The following AFG1L variants were observed in gnomAD, a reference collection of about 807,000 sequenced individuals.
AFG1L encodes AFG1 like ATPase.
AFG1L carries 53 observed loss-of-function variants against 62.2 expected under a neutral mutation model. The ratio of observed to expected loss-of-function variants is 0.85; its 90% CI spans 0.68 to 1.07. The LOEUF (loss-of-function observed/expected upper bound fraction) is 1.07, where lower values mean the gene tolerates loss of function less well. AFG1L is among the 50% of genes least tolerant of loss of function. AFG1L has a pLI of 0.00. For synonymous variants in AFG1L, 228 were observed against 210.3 expected (o/e 1.08, Z -0.73); for missense variants, 555 against 590.5 (o/e 0.94, Z 0.62).
intron 7 of AFG1L, among the ~76,000 whole-genome samples, chr6:108,416,441 T>G (rs1770280696): frequency 6.6e-6 from 1 of 152,234 alleles, no homozygotes; most frequent in Non-Finnish European, 1.5e-5. Context: ...CCCAAAGGAT[T>G]ATAAATCATG....
chr6:108,478,288 T>A (rs2114818763), intron 10 of AFG1L, among the ~76,000 whole-genome samples: 1 of 152,114 alleles, frequency 6.6e-6, no homozygotes, highest in Non-Finnish European at 1.5e-5. Flanking sequence ...ATAGAAAAAA[T>A]TAGCCGGGCG....
chr6:108,333,274 G>A (rs1778348293), intron 2 of AFG1L, among the ~76,000 whole-genome samples: 1 of 152,144 alleles, frequency 6.6e-6, no homozygotes, highest in African/African-American at 2.4e-5. Flanking sequence ...GCCAGGTGTG[G>A]TGGCGGGCGC....
At chr6:108,466,299 C>T (rs1453532032) in intron 8 of AFG1L, among the ~76,000 whole-genome samples, 1 of 151,990 alleles carries the variant, frequency 6.6e-6, no homozygotes, top group Non-Finnish European at 1.5e-5. Context: ...AGCCATATGC[C>T]CAACAGATAT....
chr6:108,435,736 C>T (rs1771280083), intron 7 of AFG1L, among the ~76,000 whole-genome samples: 1 of 152,124 alleles, frequency 6.6e-6, no homozygotes, highest in Non-Finnish European at 1.5e-5. Flanking sequence ...CAAAATCCTG[C>T]CGTTTTCTCA....
chr6:108,323,862 T>G lies in AFG1L; in HGVS notation c.177T>G (p.Thr59=), dbSNP rs569435290. The change falls in exon 2 of 13, where the codon ACT becomes ACG. Residue 59 remains threonine (T), a synonymous_variant. Transcript: ENST00000368977. ...AGACATCCGAGAGCATGACCCCAAC[T>G]GCCACTTCAGAGACTTATTTGAAAG... ...TVQTSESMTP[T]ATSETYLKAL... is the part of the protein sequence containing the mutation. 6.2e-7 allele frequency: 1 copy of G among 1,614,184 alleles called. No homozygotes were observed. Among genetic ancestry groups the G allele is most frequent in the South Asian group, 1.1e-5 (1 of 91,076 alleles).
intron 6 of AFG1L, among the ~76,000 whole-genome samples, chr6:108,391,890 C>T (rs1280541015): frequency 1.3e-5 from 2 of 152,182 alleles, no homozygotes; most frequent in Non-Finnish European, 1.5e-5. Flanking sequence ...CAAGGCTCAA[C>T]ATTGTAGGTA....
chr6:108,379,367 C>A (rs892085514), intron 6 of AFG1L, among the ~76,000 whole-genome samples: 2 of 152,144 alleles, frequency 1.3e-5, no homozygotes, highest in Admixed American at 1.3e-4. Flanking sequence ...GTCTTACAAG[C>A]CTGTAGATGG....
Position 108,350,974 on chromosome 6 carries a change from G to A in AFG1L, c.415+3935G>A, listed in dbSNP as rs78345213. 1.0e-3 allele frequency among the ~76,000 whole-genome samples: 156 copies of A among 152,302 alleles called. 3 individuals are homozygous for A. In the East Asian group the frequency reaches 0.028, roughly 27 times the overall value. On this transcript the variant is annotated intron_variant, in intron 3 of 12. Transcript: ENST00000368977. ...TATTCCTCCTGTGCTACAAACCTGTGCAGCATGTTACTGTATTGAATACTG... is the reference window on the plus strand; with the variant it reads ...TATTCCTCCTGTGCTACAAACCTGTACAGCATGTTACTGTATTGAATACTG...
intron 7 of AFG1L, among the ~76,000 whole-genome samples, chr6:108,409,498 C>T (rs188246222): frequency 2.0e-3 from 300 of 151,938 alleles, no homozygotes; most frequent in Admixed American, 3.0e-3. Context: ...AGTAAAAGCA[C>T]GTGATAGATA....
chr6:108,359,710 T>C (rs1282859240), intron 5 of AFG1L: 8 of 152,214 alleles, frequency 5.3e-5, no homozygotes, highest in Non-Finnish European at 1.0e-4. Context: ...ACCCTCTCTA[T>C]TGAATTTCAA....
intron 7 of AFG1L, among the ~76,000 whole-genome samples, chr6:108,410,977 C>G (rs907107656): frequency 1.5e-4 from 23 of 152,118 alleles, no homozygotes; most frequent in Non-Finnish European, 1.0e-4. Context: ...TTGCCTCACC[C>G]AGGAAGTGCA....
chr6:108,484,661 T>G (rs2114833888), intron 10 of AFG1L, among the ~76,000 whole-genome samples: 1 of 152,328 alleles, frequency 6.6e-6, no homozygotes, highest in East Asian at 1.9e-4. Flanking sequence ...CATACACACC[T>G]AGACCTAGCC....
chr6:108,305,431 G>T (rs1426982740), intron 1 of AFG1L, among the ~76,000 whole-genome samples: 3 of 152,122 alleles, frequency 2.0e-5, no homozygotes, highest in Non-Finnish European at 4.4e-5. Context: ...TATTACTCAG[G>T]CTGGAGTGCA....
intron 6 of AFG1L, among the ~76,000 whole-genome samples, chr6:108,373,441 A>G (rs766846445): frequency 1.3e-5 from 2 of 152,076 alleles, no homozygotes; most frequent in African/African-American, 2.4e-5. Context: ...GTCGTCATTA[A>G]TGGGTACCTG....
At chr6:108,416,367 G>A (rs549304714) in intron 7 of AFG1L, among the ~76,000 whole-genome samples, 3 of 152,266 alleles carry the variant, frequency 2.0e-5, no homozygotes, top group East Asian at 1.9e-4. Context: ...ACAGTGTGGC[G>A]ATTCCTCAAG....
At chr6:108,334,999 C>G (rs968208461) in intron 2 of AFG1L, among the ~76,000 whole-genome samples, 1 of 145,896 alleles carries the variant, frequency 6.9e-6, no homozygotes. Context: ...TTCTTTCTTT[C>G]TTTTTTTTTT....
At chr6:108,486,938 C>T (rs148487551) in intron 10 of AFG1L, among the ~76,000 whole-genome samples, 3 of 152,290 alleles carry the variant, frequency 2.0e-5, no homozygotes, top group Non-Finnish European at 4.4e-5. Flanking sequence ...CTCCTGACCT[C>T]AAGTGATCCA....
At chr6:108,404,748 G>A (rs2114640373) in intron 7 of AFG1L, among the ~76,000 whole-genome samples, 1 of 151,926 alleles carries the variant, frequency 6.6e-6, no homozygotes, top group East Asian at 1.9e-4. Context: ...TTTATTTTGA[G>A]ACAGAGTCTT....
At chr6:108,493,256 T>C (rs762949072) in intron 10 of AFG1L, among the ~76,000 whole-genome samples, 23 of 152,226 alleles carry the variant, frequency 1.5e-4, no homozygotes, top group Non-Finnish European at 3.1e-4. Context: ...AAACCTTAGA[T>C]ACTGTGAGAA....
Sources: gnomAD v4.1 joint callset for allele counts (sites outside exome capture counted in the v4.1 genomes callset) on GRCh38, gnomAD v4.1.1 for gene constraint, MANE v1.5 for transcripts, NCBI Gene and HGNC (gene_info 2026-07-23, HGNC 2026-07-21) for gene names.